GALNT5: variants seen among roughly 807,000 people sequenced by gnomAD.
GALNT5 encodes the protein UDP-GalNAc:polypeptide N-acetylgalactosaminyltransferase 5.
In GALNT5, 72 loss-of-function variants were observed where a neutral mutation model predicts 85.4. That is an observed-to-expected ratio of 0.84 (90% CI 0.70 to 1.03). GALNT5 has a LOEUF of 1.03. Ranked by LOEUF, GALNT5 falls within the 50% of genes least tolerant of loss-of-function variation. The pLI, the probability that GALNT5 is intolerant of heterozygous loss-of-function variation, is 0.00. For synonymous variants in GALNT5, 404 were observed against 397.0 expected (o/e 1.02, Z -0.21); for missense variants, 1,137 against 1,135.5 (o/e 1.00, Z -0.02).
rs183153426 is a variant in GALNT5, at chr2:157,317,065, A to T, written c.*5717A>T. Among the ~76,000 whole-genome samples the T allele has an allele frequency of 2.0e-5, 3 of 151,720 alleles. No individual in the cohort carries two copies. Among genetic ancestry groups the T allele is most frequent in the Non-Finnish European group, 4.4e-5 (3 of 67,830 alleles). Reference sequence around the variant, plus strand: ...GGATATTGGTCATAAGCATCTATATAATAAACCCTTTATATTAGATGTTAA... The same window carrying T: ...GGATATTGGTCATAAGCATCTATATTATAAACCCTTTATATTAGATGTTAA... On this transcript the variant is annotated 3_prime_UTR_variant, in exon 10 of 10. Transcript: ENST00000259056.
rs141648249 is a variant in GALNT5 at position 157,259,186 on chromosome 2, C to A, written c.1104C>A (p.Ser368=). 1.2e-5 allele frequency: 18 copies of A among 1,545,408 alleles called. No individual in the cohort carries two copies. The highest frequency in any genetic ancestry group is 1.5e-5 in the Non-Finnish European group (17 of 1,149,876). The part of the protein sequence containing the change: ...HISRNRSEMS[S]SSLAPHRVPL... ...CCAGGAATAGAAGTGAGATGTCTTCCTCTTCACTTGCTCCACATAGAGTGC... is the reference window on the plus strand; with the variant it reads ...CCAGGAATAGAAGTGAGATGTCTTCATCTTCACTTGCTCCACATAGAGTGC... Residue 368 remains serine (S), a synonymous_variant, in exon 1 of 10, where the codon TCC becomes TCA. Transcript: ENST00000259056.
intron 1 of GALNT5, among the ~76,000 whole-genome samples, chr2:157,271,625 G>A (rs1682586544): frequency 6.6e-6 from 1 of 152,174 alleles, no homozygotes; most frequent in South Asian, 2.1e-4. Flanking sequence ...GTGAAGTCTA[G>A]ATGAGAATCC....
At chr2:157,309,463 G>A (rs1683523562) in intron 9 of GALNT5, among the ~76,000 whole-genome samples, 1 of 152,162 alleles carries the variant, frequency 6.6e-6, no homozygotes, top group Admixed American at 6.5e-5. Context: ...CATTTTAACA[G>A]AATACGGAGT....
At chr2:157,304,888 T>C (rs1363949809) in intron 7 of GALNT5, among the ~76,000 whole-genome samples, 3 of 152,160 alleles carry the variant, frequency 2.0e-5, no homozygotes, top group African/African-American at 7.2e-5. Flanking sequence ...TAGAGCTCTT[T>C]GTTAGGCATC....
At position 157,295,879 on chromosome 2, in the gene GALNT5, T is replaced by C. The variant is rs1039257915; in HGVS notation, c.1877+81T>C. 6 of 1,002,228 alleles carry C rather than the reference T, an allele frequency of 6.0e-6. 1 individual carries two copies. In the African/African-American group the frequency reaches 6.4e-5, roughly 11 times the overall value. 62.1% of individuals were successfully genotyped at this position (1,002,228 alleles called of 1,614,324 possible). A position where few individuals can be genotyped will look rare whatever the true frequency, so the allele number is the denominator to read the frequency against. ...CAGAAAGTGCTGAGTATATGCCTAATATGTGTGTTTTTTCAAAATCCAAGA... is the reference window on the plus strand; with the variant it reads ...CAGAAAGTGCTGAGTATATGCCTAACATGTGTGTTTTTTCAAAATCCAAGA... On this transcript the variant is annotated intron_variant, in intron 4 of 9. Transcript: ENST00000259056.
At chr2:157,266,664 G>C (rs1682465016) in intron 1 of GALNT5, among the ~76,000 whole-genome samples, 2 of 152,156 alleles carry the variant, frequency 1.3e-5, no homozygotes, top group South Asian at 4.1e-4. Context: ...CAGTTGAGAA[G>C]AGTGAGACTG....
At position 157,314,130 on chromosome 2, in the gene GALNT5, G is replaced by T. The variant is rs752849946; in HGVS notation, c.*2782G>T. 6 of 151,142 alleles carry T rather than the reference G, an allele frequency of 4.0e-5. No individual in the cohort carries two copies. Among genetic ancestry groups the T allele is most frequent in the Non-Finnish European group, 7.4e-5 (5 of 67,928 alleles). The allele number at this position is 151,142 out of a possible 1,614,324, so 9.4% of individuals were successfully genotyped here. The stretch of plus-strand genomic sequence containing the variant: ...CTTTGGATGAGACAGGTCCTAATCA[G>T]CACTGAATTCTTCAATAGGAGGCTG... On this transcript the variant is annotated 3_prime_UTR_variant, in exon 10 of 10. Coordinates refer to ENST00000259056, the MANE Select transcript of GALNT5 (RefSeq NM_014568.3).
intron 9 of GALNT5, among the ~76,000 whole-genome samples, chr2:157,309,566 A>G (rs1398116126): frequency 3.9e-5 from 6 of 152,210 alleles, no homozygotes; most frequent in Non-Finnish European, 7.3e-5. Flanking sequence ...GGTAGCCACC[A>G]AATCTACTGT....
chr2:157,308,032 C>A (rs1683490253), intron 8 of GALNT5, among the ~76,000 whole-genome samples: 2 of 152,138 alleles, frequency 1.3e-5, no homozygotes, highest in South Asian at 4.1e-4. Context: ...GAAGGACTTC[C>A]ACCTTTCCTA....
In GALNT5 at chr2:157,258,728, T is replaced by C; in HGVS notation, c.646T>C (p.Leu216=). 1.2e-6 allele frequency: 2 copies of C among 1,613,972 alleles called. No individual in the cohort carries two copies. The highest frequency in any genetic ancestry group is 1.7e-6 in the Non-Finnish European group (2 of 1,179,994). The part of the protein sequence containing the change: ...DTSKLAAERD[L]NVTISLSTDR... ...ATCAAAACTAGCAGCTGAAAGGGAC[T>C]TGAATGTGACCATCAGTCTTAGTAC... The change falls in exon 1 of 10, where the codon TTG becomes CTG. Residue 216 remains leucine (L), a synonymous_variant. Transcript: ENST00000259056.
chr2:157,305,372 G>A (rs1188577679), intron 7 of GALNT5, among the ~76,000 whole-genome samples: 1 of 152,290 alleles, frequency 6.6e-6, no homozygotes, highest in East Asian at 1.9e-4. Context: ...AGGGAACATA[G>A]CTCATAACTC....
rs540174461 is a variant in GALNT5 at position 157,258,409 on chromosome 2, G to C, written c.327G>C (p.Gln109His). 4.3e-6 allele frequency: 7 copies of C among 1,610,710 alleles called. No homozygotes were observed. The highest frequency in any genetic ancestry group is 2.7e-5 in the African/African-American group (2 of 74,466). ...LKVEVDLDQTQRERKMQNALG... is the reference protein window; with the variant it reads ...LKVEVDLDQTHRERKMQNALG... ...TTGAGGTGGACTTGGACCAAACCCA[G>C]AGGGAAAGAAAAATGCAGAATGCCC... The change falls in exon 1 of 10, where the codon CAG becomes CAC. Residue 109 changes from glutamine (Q) to histidine (H), a missense_variant. By Grantham distance (24) the Gln-to-His change is conservative. Transcript: ENST00000259056.
chr2:157,293,833 T>A (rs186674012), intron 3 of GALNT5, among the ~76,000 whole-genome samples: 1 of 152,352 alleles, frequency 6.6e-6, no homozygotes, highest in Non-Finnish European at 1.5e-5. Flanking sequence ...CTAAGCCTTC[T>A]CATACCCAAA....
intron 5 of GALNT5, 39 bp downstream of exon 5, chr2:157,296,552 A>T: frequency 6.5e-7 from 1 of 1,529,534 alleles, no homozygotes; most frequent in South Asian, 1.1e-5. Context: ...GCAGTCATGT[A>T]TCTTTTTGTA....
chr2:157,314,893 C>G lies in GALNT5; in HGVS notation c.*3545C>G, dbSNP rs1021574205. Among the ~76,000 whole-genome samples, 1 of 152,120 alleles carries G rather than the reference C, an allele frequency of 6.6e-6. No homozygotes were observed. The highest frequency in any genetic ancestry group is 1.5e-5 in the Non-Finnish European group (1 of 68,022). ...AGGAGTTCAAGACCAGCCTGGGCAA[C>G]ATGGTGAAACCCCGTCTCTACTAAA... On this transcript the variant is annotated 3_prime_UTR_variant, in exon 10 of 10. Transcript: ENST00000259056.
At chr2:157,273,789 C>T (rs1682652443) in intron 1 of GALNT5, among the ~76,000 whole-genome samples, 1 of 151,326 alleles carries the variant, frequency 6.6e-6, no homozygotes, top group Admixed American at 6.6e-5. Flanking sequence ...ATTACAAGTA[C>T]CCGCCACCAT....
chr2:157,286,926 G>A (rs1682989414), intron 3 of GALNT5, among the ~76,000 whole-genome samples: 1 of 151,156 alleles, frequency 6.6e-6, no homozygotes, highest in South Asian at 2.1e-4. Flanking sequence ...GTGTGTGTGT[G>A]TGTGTGTGTG....
At chr2:157,301,208 C>A (rs1189268700) in intron 7 of GALNT5, among the ~76,000 whole-genome samples, 1 of 152,182 alleles carries the variant, frequency 6.6e-6, no homozygotes, top group Admixed American at 6.5e-5. Flanking sequence ...CAACAGATAT[C>A]TATTGAGTAT....
intron 3 of GALNT5, among the ~76,000 whole-genome samples, chr2:157,293,554 G>T (rs1324766535): frequency 2.6e-5 from 4 of 152,132 alleles, no homozygotes; most frequent in African/African-American, 9.7e-5. Context: ...AAGCATTAAT[G>T]CCCTGAAAAT....
Sources: gnomAD v4.1 joint callset for allele counts (sites outside exome capture counted in the v4.1 genomes callset) on GRCh38, gnomAD v4.1.1 for gene constraint, MANE v1.5 for transcripts, NCBI Gene and HGNC (gene_info 2026-07-23, HGNC 2026-07-21) for gene names.